The following TDP1 variants were observed in gnomAD, a reference collection of about 807,000 sequenced individuals.
TDP1 encodes the protein tyr-DNA phosphodiesterase 1.
Under a neutral mutation model 81.5 loss-of-function variants are expected in TDP1, and 64 were observed. The observed-to-expected ratio is 0.79, with a 90% confidence interval of 0.64 to 0.97. The LOEUF (loss-of-function observed/expected upper bound fraction) is 0.97, where lower values mean the gene tolerates loss of function less well. Ranked by LOEUF, TDP1 falls within the 50% of genes least tolerant of loss-of-function variation. TDP1 has a pLI of 0.00. For synonymous variants in TDP1, 256 were observed against 264.3 expected (o/e 0.97, Z 0.30); for missense variants, 723 against 743.8 (o/e 0.97, Z 0.33).
chr14:89,991,934 T>A lies in TDP1; in HGVS notation c.1384T>A (p.Tyr462Asn). The change falls in exon 13 of 17, where the codon TAT (tyrosine) becomes AAT (asparagine). Residue 462 changes from tyrosine to asparagine, a missense_variant. Tyr to Asn is a moderately radical substitution (Grantham distance 143, BLOSUM62 -2). Coordinates refer to ENST00000335725, the MANE Select transcript of TDP1 (RefSeq NM_018319.4). Reference sequence around the variant, plus strand: ...TTTAAAAGCTGGGGGCTCTCTTCCCTATAGCATCCAGACAGCTGAAAAACA... The same window carrying A: ...TTTAAAAGCTGGGGGCTCTCTTCCCAATAGCATCCAGACAGCTGAAAAACA... ...EGYPAGGSLP[Y>N]SIQTAEKQNW... is the part of the protein sequence containing the mutation. 1 of 1,612,150 alleles carries A rather than the reference T, an allele frequency of 6.2e-7. No homozygotes were observed. The highest frequency in any genetic ancestry group is 8.5e-7 in the Non-Finnish European group (1 of 1,179,390).
chr14:89,963,202 AC>A lies in TDP1; in HGVS notation c.90del (p.Ser31LeufsTer33), dbSNP rs768490541. 7 of 1,613,948 alleles carry A rather than the reference AC, an allele frequency of 4.3e-6. No individual in the cohort carries two copies. The Admixed American group carries it at 1.2e-4, about 27-fold the overall frequency. ...EEKPKPDKPS[T>X]SSLLCARQGA... is the part of the protein sequence containing the mutation. ...AAAGCCAAAACCAGACAAGCCATCTACCTCTTCTCTTCTCTGTGCCAGGCAA... is the reference window on the plus strand; with the variant it reads ...AAAGCCAAAACCAGACAAGCCATCTACTCTTCTCTTCTCTGTGCCAGGCAA... On this transcript the variant is annotated frameshift_variant, in exon 3 of 17. Coordinates refer to ENST00000335725, the MANE Select transcript of TDP1 (RefSeq NM_018319.4). LOFTEE classifies it high-confidence loss of function.
chr14:89,967,275 G>T, intron 4 of TDP1, 92 bp from the exon 5 acceptor site: 1 of 1,408,128 alleles, frequency 7.1e-7, no homozygotes, highest in Non-Finnish European at 1.0e-6. Context: ...CTATTTTAGA[G>T]TTTCCTTAAA....
chr14:89,995,546 A>G (rs1363692358), intron 14 of TDP1, among the ~76,000 whole-genome samples: 3 of 152,266 alleles, frequency 2.0e-5, no homozygotes, highest in Admixed American at 6.5e-5. Context: ...TCTAAGAAAC[A>G]TAACTTAAAT....
intron 16 of TDP1, among the ~76,000 whole-genome samples, chr14:90,041,009 T>G (rs1180083540): frequency 6.6e-6 from 1 of 152,224 alleles, no homozygotes; most frequent in Non-Finnish European, 1.5e-5. Context: ...GAGGAGTAAA[T>G]GCAACAGTGA....
intron 5 of TDP1, among the ~76,000 whole-genome samples, chr14:89,969,962 C>G (rs1267079675): frequency 6.7e-6 from 1 of 148,210 alleles, no homozygotes; most frequent in Non-Finnish European, 1.5e-5. Flanking sequence ...CTGCAAGCTC[C>G]GCCTCCCGGG....
rs1398572562 is a variant in TDP1, at chr14:89,998,404, A to ATG, written c.1541+4922_1541+4923insGT. 1.8e-3 allele frequency among the ~76,000 whole-genome samples: 203 copies of ATG among 115,530 alleles called. 2 individuals are homozygous for ATG. Among genetic ancestry groups the ATG allele is most frequent in the South Asian group, 0.012 (48 of 4,002 alleles). The allele number at this position is 115,530 out of a possible 152,430, so 75.8% of individuals were successfully genotyped here. On this transcript the variant is annotated intron_variant, in intron 14 of 16. Coordinates refer to ENST00000335725, the MANE Select transcript of TDP1 (RefSeq NM_018319.4). ...TATATATATATATATATATATATAT[A>ATG]TATATATATATATATATATGTATGT...
At chr14:90,022,487 C>T (rs1409886452) in intron 15 of TDP1, among the ~76,000 whole-genome samples, 1 of 152,206 alleles carries the variant, frequency 6.6e-6, no homozygotes, top group African/African-American at 2.4e-5. Flanking sequence ...AGGCCTAGAT[C>T]TGCCTTCCAT....
chr14:89,985,073 T>C (rs1032429061), intron 9 of TDP1, 59 bp from the exon 10 acceptor site: 49 of 1,434,984 alleles, frequency 3.4e-5, no homozygotes, highest in Non-Finnish European at 4.6e-5. Flanking sequence ...TTTGTCATTT[T>C]TTTTGGTGCC....
chr14:90,004,410 T>TGC (rs1276948520), intron 14 of TDP1, among the ~76,000 whole-genome samples: 3 of 152,208 alleles, frequency 2.0e-5, no homozygotes. Context: ...ACTTGTATGG[T>TGC]GCTTACTATA....
intron 10 of TDP1, chr14:89,988,536 C>T (rs1334219064): frequency 1.1e-6 from 1 of 937,836 alleles, no homozygotes; most frequent in East Asian, 1.2e-4. Flanking sequence ...TATTTCATAG[C>T]ATCAAAGCTG....
Position 89,988,949 on chromosome 14 carries a change from G to A in TDP1, c.1176G>A (p.Trp392Ter). The A allele has an allele frequency of 1.2e-6, 2 of 1,614,176 alleles. No individual in the cohort carries two copies. The highest frequency in any genetic ancestry group is 1.7e-6 in the Non-Finnish European group (2 of 1,180,030). The change falls in exon 11 of 17, where the codon TGG becomes TGA. Residue 392 changes from tryptophan (W) to a stop codon, truncating the protein, a stop_gained. Transcript: ENST00000335725. LOFTEE classifies it high-confidence loss of function. Reference sequence around the variant, plus strand: ...CATCCATGCCTAACGCAGAGTCCTGGCCTGTCGTAGGTCAGTTTTCAAGCG... The same window carrying A: ...CATCCATGCCTAACGCAGAGTCCTGACCTGTCGTAGGTCAGTTTTCAAGCG... ...HASSMPNAESWPVVGQFSSVG... is the reference protein window; with the variant it reads ...HASSMPNAES
chr14:90,030,083 G>A (rs1197416628), intron 15 of TDP1, among the ~76,000 whole-genome samples: 1 of 152,226 alleles, frequency 6.6e-6, no homozygotes, highest in Admixed American at 6.5e-5. Context: ...CACACAGCAA[G>A]TAAGCAGTCT....
intron 15 of TDP1, among the ~76,000 whole-genome samples, chr14:90,026,912 A>G (rs370629521): frequency 1.3e-3 from 197 of 152,308 alleles, no homozygotes; most frequent in African/African-American, 4.6e-3. Context: ...TAGTGCTGCA[A>G]TAAACATACG....
intron 14 of TDP1, among the ~76,000 whole-genome samples, chr14:90,003,524 G>A (rs1236527119): frequency 6.6e-6 from 1 of 152,184 alleles, no homozygotes; most frequent in African/African-American, 2.4e-5. Flanking sequence ...GACAAATGTG[G>A]TATTTAAATT....
intron 2 of TDP1, among the ~76,000 whole-genome samples, chr14:89,962,712 G>GAA (rs138209691): frequency 6.7e-6 from 1 of 148,768 alleles, no homozygotes; most frequent in African/African-American, 2.5e-5. Context: ...CAAAAAAAAA[G>GAA]AAAAAAAAAA....
intron 14 of TDP1, among the ~76,000 whole-genome samples, chr14:89,996,649 A>G (rs1896673489): frequency 6.6e-6 from 1 of 152,226 alleles, no homozygotes; most frequent in Admixed American, 6.5e-5. Context: ...CTATTGAACA[A>G]GTCTTGCCTT....
chr14:90,010,467 C>A (rs1016399294), intron 14 of TDP1, among the ~76,000 whole-genome samples: 4 of 152,146 alleles, frequency 2.6e-5, no homozygotes, highest in African/African-American at 9.7e-5. Context: ...GGAATTAAGG[C>A]AGCAGGTGGG....
At chr14:89,986,422 G>T (rs1895563764) in intron 10 of TDP1, among the ~76,000 whole-genome samples, 1 of 152,220 alleles carries the variant, frequency 6.6e-6, no homozygotes, top group African/African-American at 2.4e-5. Context: ...ATAGTACAGG[G>T]CACACAGTAA....
intron 16 of TDP1, among the ~76,000 whole-genome samples, chr14:90,039,417 A>T (rs1888139577): frequency 6.6e-6 from 1 of 151,986 alleles, no homozygotes; most frequent in Non-Finnish European, 1.5e-5. Context: ...CTGCCCCCAC[A>T]CCCTACTTTA....
Sources: gnomAD v4.1 joint callset for allele counts (sites outside exome capture counted in the v4.1 genomes callset) on GRCh38, gnomAD v4.1.1 for gene constraint, MANE v1.5 for transcripts, NCBI Gene and HGNC (gene_info 2026-07-23, HGNC 2026-07-21) for gene names.